Variants in TM7SF2 observed in about 807,000 individuals in gnomAD.
TM7SF2 encodes the protein transmembrane 7 superfamily member 2, also known as delta(14)-sterol reductase TM7SF2.
A neutral mutation model predicts 51.0 loss-of-function variants in TM7SF2; 51 were observed. The observed-to-expected ratio is 1.00, with a 90% CI of 0.80 to 1.26. The LOEUF (loss-of-function observed/expected upper bound fraction) is 1.26, where lower values mean the gene tolerates loss of function less well. TM7SF2 is among the 50% of genes most tolerant of loss of function. The probability of loss-of-function intolerance (pLI) is 0.00; values close to 1 mark genes in which losing one functional copy is unlikely to be tolerated. For missense variants in TM7SF2, 541 were observed against 547.4 expected, an observed-to-expected ratio of 0.99 and a Z score of 0.12; for synonymous variants, 255 against 241.0, an observed-to-expected ratio of 1.06 and a Z score of -0.54.
intron 5 of TM7SF2, among the ~76,000 whole-genome samples, chr11:65,114,436 G>A (rs111266386): frequency 0.034 from 5,158 of 152,286 alleles, 146 homozygotes; most frequent in East Asian, 0.074. Context: ...AGTAGGCTGT[G>A]GAGAGGGCAA....
chr11:65,111,915 G>GATCCTCCGCGCGGCCGA lies in TM7SF2; in HGVS notation c.-100_-84dup, dbSNP rs1449826701. 7.5e-7 allele frequency: 1 copy of GATCCTCCGCGCGGCCGA among 1,333,682 alleles called. No individual in the cohort carries two copies. Among genetic ancestry groups the GATCCTCCGCGCGGCCGA allele is most frequent in the African/African-American group, 1.5e-5 (1 of 68,644 alleles). The allele number at this position is 1,333,682 out of a possible 1,614,324, so 82.6% of individuals were successfully genotyped here. A position where few individuals can be genotyped will look rare whatever the true frequency, so the allele number is the denominator to read the frequency against. Reference sequence around the variant, plus strand: ...GGCAGGTGCAGGCGCCGCGGGGCCGGATCCTCCGCGCGGCCGAGTCCATCT... The same window carrying GATCCTCCGCGCGGCCGA: ...GGCAGGTGCAGGCGCCGCGGGGCCGGATCCTCCGCGCGGCCGAATCCTCCGCGCGGCCGAGTCCATCT... On this transcript the variant is annotated 5_prime_UTR_variant, in exon 1 of 10. Transcript: ENST00000279263.
chr11:65,112,618 G>C lies in TM7SF2; in HGVS notation c.156G>C (p.Pro52=), dbSNP rs4930284. 1 allele frequency: 1,517,007 copies of C among 1,517,696 alleles called. 758,160 individuals are homozygous for C. The highest frequency in any genetic ancestry group is 1 in the East Asian group (38,372 of 38,372). The allele number at this position is 1,517,696 out of a possible 1,614,324, so 94.0% of individuals were successfully genotyped here. The change falls in exon 2 of 10, where the codon CCG becomes CCC. Residue 52 remains proline, a synonymous_variant. Transcript: ENST00000279263. The part of the protein sequence containing the change: ...ARLLGPPASL[P]GLEVLWSPRA... ...TGCTGGGTCCACCCGCGTCCCTGCCGGGGCTGGAGGTGCTGTGGAGCCCAC... is the reference window on the plus strand; with the variant it reads ...TGCTGGGTCCACCCGCGTCCCTGCCCGGGCTGGAGGTGCTGTGGAGCCCAC...
Position 65,111,898 on chromosome 11 carries a change from C to T in TM7SF2, c.-118C>T. ...TCTGCGTTCCGTGTCCAGGCAGGTG[C>T]AGGCGCCGCGGGGCCGGATCCTCCG... On this transcript the variant is annotated 5_prime_UTR_variant, in exon 1 of 10. Coordinates refer to ENST00000279263, the MANE Select transcript of TM7SF2 (RefSeq NM_003273.6). The T allele has an allele frequency of 1.7e-6, 2 of 1,207,188 alleles. No individual in the cohort carries two copies. The highest frequency in any genetic ancestry group is 1.3e-5 in the South Asian group (1 of 76,548). The allele number at this position is 1,207,188 out of a possible 1,614,324, so 74.8% of individuals were successfully genotyped here.
At chr11:65,115,450 C>T in intron 8 of TM7SF2, 26 bp from the exon 9 acceptor site, 1 of 1,614,140 alleles carries the variant, frequency 6.2e-7, no homozygotes, top group Non-Finnish European at 8.5e-7. Context: ...TTCCTGGGAA[C>T]TCTCCACCCT....
At chr11:65,115,657 C>A in intron 9 of TM7SF2, 59 bp downstream of exon 9, 1 of 1,611,466 alleles carries the variant, frequency 6.2e-7, no homozygotes, top group East Asian at 2.2e-5. Context: ...GGCTCAGCGA[C>A]CACAGGATGC....
intron 9 of TM7SF2, 116 bp from the exon 10 acceptor site, chr11:65,115,777 C>A (rs749732978): frequency 1.3e-6 from 2 of 1,581,778 alleles, no homozygotes; most frequent in East Asian, 2.2e-5. Flanking sequence ...TGCTGCAGAC[C>A]CTGGCGCTTT....
intron 5 of TM7SF2, among the ~76,000 whole-genome samples, chr11:65,114,304 G>A (rs1201089275): frequency 1.8e-5 from 2 of 111,162 alleles, no homozygotes; most frequent in Non-Finnish European, 4.1e-5. Context: ...GGCTTGCTCC[G>A]GCTAGCCACA....
At chr11:65,113,748 C>G (rs1396788937) in intron 5 of TM7SF2, 154 bp downstream of exon 5, 1 of 681,738 alleles carries the variant, frequency 1.5e-6, no homozygotes, top group Non-Finnish European at 2.5e-6. Context: ...TGCCTAGGTA[C>G]TGGGAGACAA....
intron 1 of TM7SF2, 76 bp from the exon 2 acceptor site, chr11:65,112,439 G>A (rs1947917337): frequency 7.1e-7 from 1 of 1,416,538 alleles, no homozygotes; most frequent in Non-Finnish European, 9.2e-7. Context: ...CCGCAGAGAC[G>A]TCAGGGCGCC....
chr11:65,112,524 C>G lies in TM7SF2; in HGVS notation c.62C>G (p.Ala21Gly), dbSNP rs1324620567. The G allele has an allele frequency of 6.6e-7, 1 of 1,525,888 alleles. No individual in the cohort carries two copies. Among genetic ancestry groups the G allele is most frequent in the African/African-American group, 1.4e-5 (1 of 69,810 alleles). The allele number at this position is 1,525,888 out of a possible 1,614,324, so 94.5% of individuals were successfully genotyped here. The change falls in exon 2 of 10, where the codon GCT becomes GGT. Residue 21 changes from alanine to glycine, a missense_variant. By Grantham distance (60) the Ala-to-Gly change is moderately conservative. Transcript: ENST00000279263. ...ATGGCCCTTCCCGCAGGCGCCGCGG[C>G]TCTGCTACTGCTGCTGCCCGCCACC... ...LEFGGPLGAA[A>G]LLLLLPATMF...
In TM7SF2 at chr11:65,112,588, G is replaced by A. The variant is rs1325484609; in HGVS notation, c.126G>A (p.Ala42=). 6.6e-7 allele frequency: 1 copy of A among 1,517,122 alleles called. No homozygotes were observed. Among genetic ancestry groups the A allele is most frequent in the Admixed American group, 2.1e-5 (1 of 48,400 alleles). 94.0% of individuals were successfully genotyped at this position (1,517,122 alleles called of 1,614,324 possible). A position where few individuals can be genotyped will look rare whatever the true frequency, so the allele number is the denominator to read the frequency against. ...TCCTGGCGGCCCGTTCGGGCCCCGC[G>A]CGCCTGCTGGGTCCACCCGCGTCCC... ...HLLLAARSGP[A]RLLGPPASLP... is the part of the protein sequence containing the mutation. Residue 42 remains alanine (A), a synonymous_variant, in exon 2 of 10, where the codon GCG becomes GCA. Coordinates refer to ENST00000279263, the MANE Select transcript of TM7SF2 (RefSeq NM_003273.6).
intron 5 of TM7SF2, chr11:65,113,821 CAG>C (rs1947943659): frequency 3.4e-6 from 2 of 581,290 alleles, no homozygotes; most frequent in African/African-American, 1.9e-5. Context: ...GTGGGAAAGA[CAG>C]AAAAAAATAA....
chr11:65,112,205 G>A, intron 1 of TM7SF2, 138 bp downstream of exon 1: 1 of 885,792 alleles, frequency 1.1e-6, no homozygotes. Context: ...GGGGTTTGCA[G>A]CGAAGGGTGT....
chr11:65,115,572 T>C lies in TM7SF2; in HGVS notation c.1070T>C (p.Met357Thr), dbSNP rs1947969119. The change falls in exon 9 of 10, where the codon ATG (methionine) becomes ACG (threonine). Residue 357 changes from methionine to threonine, a missense_variant. Met to Thr is a moderately conservative substitution (Grantham distance 81). Coordinates refer to ENST00000279263, the MANE Select transcript of TM7SF2 (RefSeq NM_003273.6). Reference sequence around the variant, plus strand: ...CCCAACTATCTTGGAGACCTCATCATGGCTCTGGCTTGGTCCTTGCCCTGC... The same window carrying C: ...CCCAACTATCTTGGAGACCTCATCACGGCTCTGGCTTGGTCCTTGCCCTGC... ...RHPNYLGDLI[M>T]ALAWSLPCGV... The C allele has an allele frequency of 1.2e-6, 2 of 1,614,082 alleles. No individual in the cohort carries two copies. The highest frequency in any genetic ancestry group is 1.7e-6 in the Non-Finnish European group (2 of 1,180,002).
At chr11:65,115,193 C>G in intron 7 of TM7SF2, 112 bp downstream of exon 7, 2 of 1,594,012 alleles carry the variant, frequency 1.3e-6, no homozygotes, top group Non-Finnish European at 1.7e-6. Flanking sequence ...TCTCTAAAGC[C>G]AGGGCAGGGT....
At position 65,112,759 on chromosome 11, in the gene TM7SF2, C is replaced by G. The variant is rs944307673; in HGVS notation, c.249+48C>G. On this transcript the variant is annotated intron_variant, in intron 2 of 9. Coordinates refer to ENST00000279263, the MANE Select transcript of TM7SF2 (RefSeq NM_003273.6). Reference sequence around the variant, plus strand: ...CTCGGGGGAGGGAAGCGAATGGGCTCGGCGAGGGAAAGGACGCCCCGGGCC... The same window carrying G: ...CTCGGGGGAGGGAAGCGAATGGGCTGGGCGAGGGAAAGGACGCCCCGGGCC... The G allele has an allele frequency of 1.9e-6, 3 of 1,549,162 alleles. No homozygotes were observed. In the South Asian group the frequency reaches 3.6e-5, roughly 18 times the overall value.
chr11:65,112,093 G>A, intron 1 of TM7SF2, 26 bp downstream of exon 1: 1 of 1,587,276 alleles, frequency 6.3e-7, no homozygotes, highest in Non-Finnish European at 8.5e-7. Context: ...GATGGGACCT[G>A]GGGCAAAGGC....
rs372276456 is a variant in TM7SF2, at chr11:65,114,074, G to T, written c.603+480G>T. Among the ~76,000 whole-genome samples, 8 of 152,282 alleles carry T rather than the reference G, an allele frequency of 5.3e-5. No individual in the cohort carries two copies. In the East Asian group the frequency reaches 1.3e-3, roughly 26 times the overall value. On this transcript the variant is annotated intron_variant, in intron 5 of 9. Coordinates refer to ENST00000279263, the MANE Select transcript of TM7SF2 (RefSeq NM_003273.6). ...TTACCCAAAGAAACTCTTGGGCAAG[G>T]CCTCTCCTGTTGCCCTGGAAATTAT...
intron 3 of TM7SF2, 130 bp downstream of exon 3, chr11:65,112,995 G>C (rs2137201415): frequency 8.3e-7 from 1 of 1,210,320 alleles, no homozygotes; most frequent in Non-Finnish European, 1.1e-6. Context: ...GCCCAGGACA[G>C]ACGCCGGGGG....
Sources: gnomAD v4.1 joint callset for allele counts (sites outside exome capture counted in the v4.1 genomes callset) on GRCh38, gnomAD v4.1.1 for gene constraint, MANE v1.5 for transcripts, NCBI Gene and HGNC (gene_info 2026-07-23, HGNC 2026-07-21) for gene names.